Variants in NT5C2 observed in about 807,000 individuals in gnomAD.
NT5C2 encodes the protein 5'-nucleotidase, cytosolic II.
NT5C2 carries 58 observed loss-of-function variants against 76.1 expected under a neutral mutation model. That is an observed-to-expected ratio of 0.76 (90% CI 0.62 to 0.95). The LOEUF is 0.95. Among genes scored for constraint, NT5C2 ranks in the 40% least tolerant of loss-of-function variants. NT5C2 has a pLI of 0.00. For synonymous variants in NT5C2, 229 were observed against 237.4 expected (o/e 0.96, Z 0.32); for missense variants, 478 against 690.3 (o/e 0.69, Z 3.45).
intron 4 of NT5C2, among the ~76,000 whole-genome samples, chr10:103,120,477 G>A (rs147715259): frequency 1.3e-5 from 2 of 152,258 alleles, no homozygotes; most frequent in Non-Finnish European, 2.9e-5. Flanking sequence ...TTAAAAAACT[G>A]ATATTTCTCC....
rs1210447416 is a variant in NT5C2, at chr10:103,128,989, C to A, written c.175+10417G>T. Among the ~76,000 whole-genome samples, 2 of 112,356 alleles carry A rather than the reference C, an allele frequency of 1.8e-5. 1 individual carries two copies. The highest frequency in any genetic ancestry group is 6.9e-4 in the East Asian group (2 of 2,908). 73.7% of individuals were successfully genotyped at this position (112,356 alleles called of 152,430 possible). A position where few individuals can be genotyped will look rare whatever the true frequency, so the allele number is the denominator to read the frequency against. On this transcript the variant is annotated intron_variant, in intron 4 of 18. Coordinates refer to ENST00000404739, the MANE Select transcript of NT5C2 (RefSeq NM_001351169.2). ...GGGAGGGAGGTAGGGGGGGGTCAACCCCCCGCCCGGCCAGCCGCCCCATCT... is the reference window on the plus strand; with the variant it reads ...GGGAGGGAGGTAGGGGGGGGTCAACACCCCGCCCGGCCAGCCGCCCCATCT...
In NT5C2 at chr10:103,090,916, C is replaced by T; in HGVS notation, c.1272+20G>A. The stretch of plus-strand genomic sequence containing the variant: ...TTTAAACTTATTTCCCAAGTTTTCT[C>T]CCAAATCCCATTTGGATACCTTAAT... On this transcript the variant is annotated intron_variant, in intron 17 of 18. Transcript: ENST00000404739. 6.2e-7 allele frequency: 1 copy of T among 1,612,356 alleles called. No homozygotes were observed. Among genetic ancestry groups the T allele is most frequent in the East Asian group, 2.2e-5 (1 of 44,876 alleles).
chr10:103,152,821 T>A (rs1029774805), intron 3 of NT5C2, among the ~76,000 whole-genome samples: 3 of 152,210 alleles, frequency 2.0e-5, no homozygotes, highest in Non-Finnish European at 4.4e-5. Flanking sequence ...CAAATTAGAA[T>A]AGGGAATTCT....
chr10:103,125,193 C>A, intron 4 of NT5C2: 1 of 674,516 alleles, frequency 1.5e-6, no homozygotes. Flanking sequence ...CTCATCCCTC[C>A]ACACCTGTTT....
chr10:103,167,173 A>G (rs1361974628), intron 3 of NT5C2, among the ~76,000 whole-genome samples: 1 of 151,578 alleles, frequency 6.6e-6, no homozygotes, highest in Non-Finnish European at 1.5e-5. Flanking sequence ...CCGCCACCAC[A>G]CCTGGCTAAT....
chr10:103,138,043 G>A lies in NT5C2; in HGVS notation c.175+1363C>T, dbSNP rs145053356. ...AGGAGACCATGAGATGGTACCCAAT[G>A]CCCCACATCCTCATAAGGACAAAAC... On this transcript the variant is annotated intron_variant, in intron 4 of 18. Transcript: ENST00000404739. Among the ~76,000 whole-genome samples, 49 of 152,252 alleles carry A rather than the reference G, an allele frequency of 3.2e-4. No individual in the cohort carries two copies. The East Asian group carries it at 7.5e-3, about 23-fold the overall frequency.
At chr10:103,096,014 CT>C in intron 11 of NT5C2, 34 bp from the exon 12 acceptor site, 1 of 1,546,510 alleles carries the variant, frequency 6.5e-7, no homozygotes, top group Non-Finnish European at 8.9e-7. Context: ...GGTCCATATA[CT>C]ACTTTTGCAA....
At chr10:103,160,378 G>A (rs1450959837) in intron 3 of NT5C2, among the ~76,000 whole-genome samples, 2 of 151,976 alleles carry the variant, frequency 1.3e-5, no homozygotes, top group African/African-American at 4.8e-5. Flanking sequence ...CTCGAAAAAA[G>A]AAAACATACA....
At chr10:103,096,755 A>T (rs2068286748) in intron 11 of NT5C2, among the ~76,000 whole-genome samples, 4 of 145,826 alleles carry the variant, frequency 2.7e-5, no homozygotes, top group Admixed American at 2.1e-4. Context: ...CTGAGGCAGG[A>T]GAATTGCTTG....
At chr10:103,174,435 G>A (rs1265717312) in intron 3 of NT5C2, among the ~76,000 whole-genome samples, 1 of 152,102 alleles carries the variant, frequency 6.6e-6, no homozygotes, top group Non-Finnish European at 1.5e-5. Flanking sequence ...GCTGGGTGCA[G>A]TAGCCCACAC....
At chr10:103,125,311 A>AAG in intron 4 of NT5C2, 1 of 530,522 alleles carries the variant, frequency 1.9e-6, no homozygotes, top group South Asian at 1.8e-5. Flanking sequence ...AAAAAAAAAA[A>AAG]GACAATGACT....
At position 103,093,235 on chromosome 10, in the gene NT5C2, C is replaced by T; in HGVS notation, c.1063G>A (p.Gly355Arg). Residue 355 changes from glycine to arginine, a missense_variant, in exon 15 of 19, where the codon GGG (glycine) becomes AGG (arginine). Coordinates refer to ENST00000404739, the MANE Select transcript of NT5C2 (RefSeq NM_001351169.2). ...DILYIGDHIF[G>R]DILKSKKRQG... is the part of the protein sequence containing the mutation. Reference sequence around the variant, plus strand: ...CGTTTCTTTGATTTTAAAATGTCCCCAAAAATGTGATCTCCAATATACAAA... The same window carrying T: ...CGTTTCTTTGATTTTAAAATGTCCCTAAAAATGTGATCTCCAATATACAAA... The T allele has an allele frequency of 6.2e-7, 1 of 1,611,846 alleles. No individual in the cohort carries two copies. The highest frequency in any genetic ancestry group is 8.5e-7 in the Non-Finnish European group (1 of 1,179,022).
chr10:103,170,036 T>G (rs918198567), intron 3 of NT5C2, among the ~76,000 whole-genome samples: 9 of 152,054 alleles, frequency 5.9e-5, no homozygotes, highest in Non-Finnish European at 1.2e-4. Flanking sequence ...GCAGGAGAGT[T>G]GCTTGAACCA....
chr10:103,154,357 CTAAG>C (rs949312137), intron 3 of NT5C2, among the ~76,000 whole-genome samples: 2 of 151,448 alleles, frequency 1.3e-5, no homozygotes, highest in African/African-American at 2.4e-5. Context: ...TAAATAGTTA[CTAAG>C]TAATTAAAAG....
chr10:103,132,238 C>T (rs563190872), intron 4 of NT5C2, among the ~76,000 whole-genome samples: 1 of 146,678 alleles, frequency 6.8e-6, no homozygotes, highest in South Asian at 2.2e-4. Context: ...AAAACTTCAT[C>T]TCGAAAAAAA....
At chr10:103,186,233 A>T (rs2091994753) in intron 1 of NT5C2, among the ~76,000 whole-genome samples, 1 of 152,218 alleles carries the variant, frequency 6.6e-6, no homozygotes, top group South Asian at 2.1e-4. Flanking sequence ...TTCCATTGCA[A>T]AACAGGTAGA....
At chr10:103,151,038 G>T (rs1027267195) in intron 3 of NT5C2, among the ~76,000 whole-genome samples, 1 of 152,058 alleles carries the variant, frequency 6.6e-6, no homozygotes, top group African/African-American at 2.4e-5. Context: ...CTCATTCAGG[G>T]TCACAAAGAT....
At chr10:103,182,975 GT>G (rs1242565149) in intron 1 of NT5C2, among the ~76,000 whole-genome samples, 1 of 151,926 alleles carries the variant, frequency 6.6e-6, no homozygotes, top group Admixed American at 6.6e-5. Context: ...TAGACATTTG[GT>G]TTTATCATTA....
chr10:103,155,967 C>A (rs930642284), intron 3 of NT5C2, among the ~76,000 whole-genome samples: 17 of 151,966 alleles, frequency 1.1e-4, no homozygotes, highest in Admixed American at 8.5e-4. Flanking sequence ...AGTTTTAGAC[C>A]AGCATGGGCA....
Sources: gnomAD v4.1 joint callset for allele counts (sites outside exome capture counted in the v4.1 genomes callset) on GRCh38, gnomAD v4.1.1 for gene constraint, MANE v1.5 for transcripts, NCBI Gene and HGNC (gene_info 2026-07-23, HGNC 2026-07-21) for gene names.